PPP2R2B: variants seen among roughly 807,000 people sequenced by gnomAD.
The protein encoded by PPP2R2B is serine/threonine-protein phosphatase 2A 55 kDa regulatory subunit B beta isoform.
PPP2R2B carries 5 observed loss-of-function variants against 46.0 expected under a neutral mutation model. The ratio of observed to expected loss-of-function variants is 0.11; its 90% CI spans 0.06 to 0.23. The LOEUF (loss-of-function observed/expected upper bound fraction) is 0.23, where lower values mean the gene tolerates loss of function less well. PPP2R2B is among the 10% of genes least tolerant of loss of function. PPP2R2B has a pLI of 1.00. For synonymous variants in PPP2R2B, 215 were observed against 206.7 expected, an observed-to-expected ratio of 1.04 and a Z score of -0.34; for missense variants, 367 against 575.0, an observed-to-expected ratio of 0.64 and a Z score of 3.70.
intron 7 of PPP2R2B, among the ~76,000 whole-genome samples, chr5:146,625,582 T>C (rs1010988114): frequency 1.3e-5 from 2 of 152,172 alleles, no homozygotes; most frequent in African/African-American, 4.8e-5. Flanking sequence ...ATTAAATGTA[T>C]GGTATTAAGT....
chr5:146,858,810 G>A lies in PPP2R2B; in HGVS notation c.70+19192C>T, dbSNP rs151271570. On this transcript the variant is annotated intron_variant, in intron 2 of 9. Coordinates refer to ENST00000394411, the MANE Select transcript of PPP2R2B (RefSeq NM_181675.4). ...TATCACCAAACCCTAGTGCTTTAAG[G>A]CTTGCACCACTGTCCAGGAATGTGG... Among the ~76,000 whole-genome samples the A allele has an allele frequency of 3.3e-5, 5 of 152,174 alleles. No homozygotes were observed. The East Asian group carries it at 7.7e-4, about 24-fold the overall frequency.
chr5:147,061,624 A>G (rs1757260753), intron 2 of PPP2R2B, among the ~76,000 whole-genome samples: 1 of 152,134 alleles, frequency 6.6e-6, no homozygotes, highest in South Asian at 2.1e-4. Context: ...GGCAGTCTGG[A>G]CTGATGATTC....
At chr5:146,660,377 C>G (rs1776599541) in intron 5 of PPP2R2B, among the ~76,000 whole-genome samples, 1 of 152,172 alleles carries the variant, frequency 6.6e-6, no homozygotes. Flanking sequence ...CTTGTGCTAT[C>G]TATACTGATG....
At chr5:146,909,351 C>A (rs1179294594) in intron 1 of PPP2R2B, among the ~76,000 whole-genome samples, 1 of 152,128 alleles carries the variant, frequency 6.6e-6, no homozygotes. Flanking sequence ...TTATTCCAAC[C>A]CCAATACACT....
intron 7 of PPP2R2B, among the ~76,000 whole-genome samples, chr5:146,608,111 G>A (rs1160718121): frequency 6.6e-6 from 1 of 152,180 alleles, no homozygotes; most frequent in Non-Finnish European, 1.5e-5. Flanking sequence ...ATAGTTTGCT[G>A]AGCCCTGATA....
At chr5:146,675,779 C>G (rs1036360934) in intron 5 of PPP2R2B, among the ~76,000 whole-genome samples, 1 of 152,066 alleles carries the variant, frequency 6.6e-6, no homozygotes, top group African/African-American at 2.4e-5. Context: ...AAAGCAGCAG[C>G]TCTTTTTTAT....
chr5:146,973,997 T>C (rs1252058705), intron 1 of PPP2R2B, among the ~76,000 whole-genome samples: 3 of 152,356 alleles, frequency 2.0e-5, no homozygotes, highest in East Asian at 1.9e-4. Flanking sequence ...TGGAGGCAGA[T>C]GAACAAAATG....
chr5:146,618,962 C>T (rs1773444758), intron 7 of PPP2R2B, among the ~76,000 whole-genome samples: 1 of 152,220 alleles, frequency 6.6e-6, no homozygotes, highest in South Asian at 2.1e-4. Flanking sequence ...TCTACAGTGA[C>T]TCTGTGTGGC....
At chr5:147,023,128 A>T (rs1342438034) in intron 1 of PPP2R2B, among the ~76,000 whole-genome samples, 1 of 152,190 alleles carries the variant, frequency 6.6e-6, no homozygotes, top group Non-Finnish European at 1.5e-5. Context: ...ATATGTATAC[A>T]TATATCATGT....
chr5:147,018,868 A>G (rs1229564738), intron 1 of PPP2R2B, among the ~76,000 whole-genome samples: 1 of 152,194 alleles, frequency 6.6e-6, no homozygotes, highest in Non-Finnish European at 1.5e-5. Context: ...GACATCAGGC[A>G]AACTCAGAAC....
intron 2 of PPP2R2B, among the ~76,000 whole-genome samples, chr5:146,760,147 T>C (rs1754073109): frequency 6.6e-6 from 1 of 152,178 alleles, no homozygotes; most frequent in South Asian, 2.1e-4. Flanking sequence ...AATTCAGCTG[T>C]TGTGTAATAA....
At chr5:146,777,961 G>A (rs1755290627) in intron 2 of PPP2R2B, among the ~76,000 whole-genome samples, 1 of 152,280 alleles carries the variant, frequency 6.6e-6, no homozygotes, top group South Asian at 2.1e-4. Context: ...TGGTAGCCCA[G>A]CAGGGAAATT....
At chr5:146,680,926 C>A (rs1233367286) in intron 5 of PPP2R2B, among the ~76,000 whole-genome samples, 1 of 152,074 alleles carries the variant, frequency 6.6e-6, no homozygotes, top group Non-Finnish European at 1.5e-5. Context: ...ATGAAACCAC[C>A]CTTGTAAGTA....
intron 2 of PPP2R2B, among the ~76,000 whole-genome samples, chr5:146,786,418 A>T (rs1582100494): frequency 1.3e-5 from 2 of 152,080 alleles, no homozygotes; most frequent in Non-Finnish European, 2.9e-5. Context: ...TGAAGTTGGC[A>T]CCTTCCTGAT....
intron 1 of PPP2R2B, among the ~76,000 whole-genome samples, chr5:146,907,294 AC>A (rs1383009219): frequency 1.3e-5 from 2 of 152,206 alleles, no homozygotes; most frequent in Non-Finnish European, 2.9e-5. Flanking sequence ...GATTATTACA[AC>A]TACGTATTTT....
intron 1 of PPP2R2B, among the ~76,000 whole-genome samples, chr5:146,891,522 G>T (rs765673587): frequency 6.6e-6 from 1 of 152,056 alleles, no homozygotes; most frequent in Non-Finnish European, 1.5e-5. Flanking sequence ...TCAAAGACAT[G>T]GTTTCATTAT....
At chr5:146,745,724 C>T (rs1407352409) in intron 2 of PPP2R2B, among the ~76,000 whole-genome samples, 2 of 152,000 alleles carry the variant, frequency 1.3e-5, no homozygotes, top group South Asian at 2.1e-4. Context: ...CTTTGGGAGG[C>T]CAAGGTGGGT....
At chr5:147,018,493 A>G (rs898554818) in intron 1 of PPP2R2B, among the ~76,000 whole-genome samples, 1 of 152,174 alleles carries the variant, frequency 6.6e-6, no homozygotes, top group African/African-American at 2.4e-5. Flanking sequence ...ACTTTTCCTT[A>G]TTGAGCTTAG....
intron 1 of PPP2R2B, among the ~76,000 whole-genome samples, chr5:146,923,554 G>T (rs779955649): frequency 4.6e-5 from 7 of 152,106 alleles, no homozygotes; most frequent in Non-Finnish European, 8.8e-5. Context: ...ATCCCTAGTG[G>T]GTTTGTCGGA....
Sources: gnomAD v4.1 joint callset for allele counts (sites outside exome capture counted in the v4.1 genomes callset) on GRCh38, gnomAD v4.1.1 for gene constraint, MANE v1.5 for transcripts, NCBI Gene and HGNC (gene_info 2026-07-23, HGNC 2026-07-21) for gene names.